Variants in PLEKHM3 observed in about 807,000 individuals in gnomAD.
The protein encoded by PLEKHM3 is pleckstrin homology domain containing M3.
A neutral mutation model predicts 81.8 loss-of-function variants in PLEKHM3; 45 were observed. The observed-to-expected ratio is 0.55, with a 90% CI of 0.43 to 0.71. PLEKHM3 has a LOEUF of 0.71. Among genes scored for constraint, PLEKHM3 ranks in the 30% least tolerant of loss-of-function variants. PLEKHM3 has a pLI of 0.00. For missense variants in PLEKHM3, 788 were observed against 924.3 expected (o/e 0.85, Z 1.91); for synonymous variants, 352 against 356.4 (o/e 0.99, Z 0.14).
intron 2 of PLEKHM3, among the ~76,000 whole-genome samples, chr2:207,987,481 T>C (rs1691766345): frequency 6.6e-6 from 1 of 152,184 alleles, no homozygotes; most frequent in Non-Finnish European, 1.5e-5. Flanking sequence ...CAATTTTCAT[T>C]GACTGCTATT....
rs770219085 is a variant in PLEKHM3, at chr2:207,977,143, C to G, written c.1054G>C (p.Val352Leu). 2 of 1,614,204 alleles carry G rather than the reference C, an allele frequency of 1.2e-6. No homozygotes were observed. The highest frequency in any genetic ancestry group is 1.7e-5 in the Admixed American group (1 of 60,016). The change falls in exon 3 of 8, where the codon GTC becomes CTC. Residue 352 changes from valine to leucine, a missense_variant. Val to Leu is a conservative substitution (Grantham distance 32). Transcript: ENST00000427836. ...TGGTACTGTTTGGAGCTGTCCAGGACAGGGGACGGTGGCAGCAGCCCACTG... is the reference window on the plus strand; with the variant it reads ...TGGTACTGTTTGGAGCTGTCCAGGAGAGGGGACGGTGGCAGCAGCCCACTG... Reference protein sequence around the residue: ...KTSGLLPPSPVLDSSKQYQNI... With the variant: ...KTSGLLPPSPLLDSSKQYQNI...
In PLEKHM3 at chr2:207,879,907, G is replaced by A. The variant is rs374014041; in HGVS notation, c.1951-18645C>T. ...CATTTGAACATTTGGTACATGTTCA[G>A]CTCCTTCTGTACATCAAAAGTGAAT... On this transcript the variant is annotated intron_variant, in intron 6 of 7. Coordinates refer to ENST00000427836, the MANE Select transcript of PLEKHM3 (RefSeq NM_001080475.3). 1.5e-3 allele frequency among the ~76,000 whole-genome samples: 222 copies of A among 152,270 alleles called. 1 individual carries two copies. The Middle Eastern group carries it at 0.017, about 12-fold the overall frequency.
At chr2:207,873,205 G>A (rs1056467920) in intron 6 of PLEKHM3, among the ~76,000 whole-genome samples, 8 of 152,052 alleles carry the variant, frequency 5.3e-5, no homozygotes, top group African/African-American at 1.9e-4. Context: ...TTAAAAAATA[G>A]AGAACACAGG....
intron 7 of PLEKHM3, among the ~76,000 whole-genome samples, chr2:207,857,450 T>G (rs2092442577): frequency 6.6e-6 from 1 of 152,220 alleles, no homozygotes; most frequent in South Asian, 2.1e-4. Flanking sequence ...GAAAGTTTGG[T>G]ATTATTCCTT....
chr2:207,975,096 G>T (rs1363641288), intron 3 of PLEKHM3, among the ~76,000 whole-genome samples: 3 of 152,096 alleles, frequency 2.0e-5, no homozygotes, highest in Non-Finnish European at 2.9e-5. Flanking sequence ...CCAAAGTGCT[G>T]GGATTACAGG....
chr2:207,875,624 C>T (rs2092556266), intron 6 of PLEKHM3, among the ~76,000 whole-genome samples: 1 of 152,142 alleles, frequency 6.6e-6, no homozygotes, highest in African/African-American at 2.4e-5. Context: ...CAGTATAGGT[C>T]CTCAAAGAGA....
intron 5 of PLEKHM3, 59 bp downstream of exon 5, chr2:207,930,867 A>G: frequency 6.3e-7 from 1 of 1,577,334 alleles, no homozygotes; most frequent in South Asian, 1.1e-5. Flanking sequence ...TAATCTCACC[A>G]CCCTCCGTGG....
intron 6 of PLEKHM3, among the ~76,000 whole-genome samples, chr2:207,884,172 G>A (rs541708014): frequency 7.8e-6 from 1 of 127,500 alleles, no homozygotes; most frequent in South Asian, 2.6e-4. Flanking sequence ...AACAAACTAG[G>A]AATAGAAATG....
At chr2:207,915,910 C>T (rs149740536) in intron 5 of PLEKHM3, among the ~76,000 whole-genome samples, 426 of 152,264 alleles carry the variant, frequency 2.8e-3, no homozygotes, top group African/African-American at 9.5e-3. Flanking sequence ...CTGAAATCAG[C>T]AAAAAGCACT....
chr2:207,980,428 T>A (rs188714629), intron 2 of PLEKHM3, among the ~76,000 whole-genome samples: 16 of 152,174 alleles, frequency 1.1e-4, no homozygotes, highest in Admixed American at 9.2e-4. Flanking sequence ...ATGCACTGGG[T>A]ACCAACATTT....
rs1688690016 is a variant in PLEKHM3, at chr2:207,908,371, T to C, written c.1950+143A>G. 3.8e-6 allele frequency: 3 copies of C among 790,344 alleles called. No homozygotes were observed. The South Asian group carries it at 4.8e-5, about 13-fold the overall frequency. 49.0% of individuals were successfully genotyped at this position (790,344 alleles called of 1,614,324 possible). A position where few individuals can be genotyped will look rare whatever the true frequency, so the allele number is the denominator to read the frequency against. ...CCCATATATCTTTTTATACTAAGTT[T>C]TCCCCCCATTCTGAAAAAGAATTAT... On this transcript the variant is annotated intron_variant, in intron 6 of 7. Transcript: ENST00000427836.
intron 6 of PLEKHM3, among the ~76,000 whole-genome samples, chr2:207,881,622 AG>A (rs1446439676): frequency 2.6e-5 from 4 of 152,218 alleles, no homozygotes; most frequent in African/African-American, 9.7e-5. Context: ...TTTATAATCA[AG>A]AAAAAACAAT....
intron 5 of PLEKHM3, among the ~76,000 whole-genome samples, chr2:207,911,268 TA>T (rs1688801772): frequency 2.0e-5 from 3 of 152,208 alleles, no homozygotes; most frequent in Non-Finnish European, 4.4e-5. Context: ...TGTACTTTGG[TA>T]GTCTGCAATT....
chr2:207,983,091 G>A (rs1177211427), intron 2 of PLEKHM3, among the ~76,000 whole-genome samples: 4 of 136,250 alleles, frequency 2.9e-5, no homozygotes, highest in Non-Finnish European at 6.1e-5. Context: ...TCGCTCTGTC[G>A]CCCAGGCTGG....
At chr2:207,836,594 G>C (rs2092320870) in intron 7 of PLEKHM3, among the ~76,000 whole-genome samples, 1 of 152,190 alleles carries the variant, frequency 6.6e-6, no homozygotes, top group African/African-American at 2.4e-5. Flanking sequence ...AGAATTCCTG[G>C]CTGCAGAGTT....
At chr2:207,938,335 A>T (rs1689825986) in intron 4 of PLEKHM3, among the ~76,000 whole-genome samples, 1 of 152,218 alleles carries the variant, frequency 6.6e-6, no homozygotes, top group Non-Finnish European at 1.5e-5. Context: ...CAGAAAATAG[A>T]CGAAATCCTG....
chr2:207,928,785 G>A (rs1420695487), intron 5 of PLEKHM3, among the ~76,000 whole-genome samples: 1 of 152,252 alleles, frequency 6.6e-6, no homozygotes, highest in African/African-American at 2.4e-5. Context: ...AACCAGGGTA[G>A]TGTATTAGAA....
chr2:207,831,289 G>A (rs538624227), intron 7 of PLEKHM3, among the ~76,000 whole-genome samples: 5 of 152,312 alleles, frequency 3.3e-5, no homozygotes, highest in East Asian at 1.9e-4. Context: ...ATTGCCTACC[G>A]GGGACGCAGT....
intron 5 of PLEKHM3, among the ~76,000 whole-genome samples, chr2:207,928,806 G>T (rs925196648): frequency 6.6e-6 from 1 of 152,266 alleles, no homozygotes; most frequent in East Asian, 1.9e-4. Context: ...GTAAAAAGGA[G>T]AGGAAAGATT....
Sources: gnomAD v4.1 joint callset for allele counts (sites outside exome capture counted in the v4.1 genomes callset) on GRCh38, gnomAD v4.1.1 for gene constraint, MANE v1.5 for transcripts, NCBI Gene and HGNC (gene_info 2026-07-23, HGNC 2026-07-21) for gene names.